The following MED13L variants were observed in gnomAD, a reference collection of about 807,000 sequenced individuals.
The protein encoded by MED13L is mediator of RNA polymerase II transcription subunit 13-like.
MED13L carries 7 observed loss-of-function variants against 220.9 expected under a neutral mutation model. The observed-to-expected ratio is 0.03, with a 90% CI of 0.02 to 0.06. The LOEUF (loss-of-function observed/expected upper bound fraction) is 0.06, where lower values mean the gene tolerates loss of function less well. MED13L is among the 10% of genes least tolerant of loss of function. The pLI, the probability that MED13L is intolerant of heterozygous loss-of-function variation, is 1.00. For synonymous variants in MED13L, 1,011 were observed against 1,015.2 expected (o/e 1.00, Z 0.08); for missense variants, 1,965 against 2,760.5 (o/e 0.71, Z 6.46).
intron 22 of MED13L, 52 bp from the exon 23 acceptor site, chr12:115,980,990 G>T: frequency 6.7e-7 from 1 of 1,489,952 alleles, no homozygotes. Flanking sequence ...TAGAAACTGA[G>T]ATCTAACACA....
At position 116,013,215 on chromosome 12, in the gene MED13L, C is replaced by T. The variant is rs141567334; in HGVS notation, c.1176-314G>A. ...TGGCAAAACCCCATATATACAAATACAAAAATTAGCCGGGCATGGTGGCGC... is the reference window on the plus strand; with the variant it reads ...TGGCAAAACCCCATATATACAAATATAAAAATTAGCCGGGCATGGTGGCGC... On this transcript the variant is annotated intron_variant, in intron 8 of 30. Transcript: ENST00000281928. 7.8e-4 allele frequency among the ~76,000 whole-genome samples: 118 copies of T among 152,200 alleles called. 1 individual carries two copies. Among genetic ancestry groups the T allele is most frequent in the African/African-American group, 2.6e-3 (110 of 41,550 alleles).
chr12:116,142,299 G>A (rs991955807), intron 2 of MED13L, among the ~76,000 whole-genome samples: 16 of 152,140 alleles, frequency 1.1e-4, no homozygotes, highest in Non-Finnish European at 4.4e-5. Context: ...AACAGTGCCT[G>A]GTAAATAGTA....
intron 4 of MED13L, among the ~76,000 whole-genome samples, chr12:116,025,512 A>G (rs1880335490): frequency 6.6e-6 from 1 of 152,228 alleles, no homozygotes; most frequent in African/African-American, 2.4e-5. Flanking sequence ...AATGAAGAAA[A>G]TGTGGTATAT....
intron 4 of MED13L, among the ~76,000 whole-genome samples, chr12:116,045,717 C>A (rs542689436): frequency 6.6e-6 from 1 of 151,986 alleles, no homozygotes; most frequent in Non-Finnish European, 1.5e-5. Context: ...GATTACCAAA[C>A]GGGATCCAGT....
At position 115,983,182 on chromosome 12, in the gene MED13L, T is replaced by A; in HGVS notation, c.4890A>T (p.Ile1630=). The change falls in exon 21 of 31, where the codon ATA becomes ATT. Residue 1630 remains isoleucine, a synonymous_variant. Coordinates refer to ENST00000281928, the MANE Select transcript of MED13L (RefSeq NM_015335.5). The part of the protein sequence containing the change: ...GISADRTQGN[I]GCGGDTDPGQ... The stretch of plus-strand genomic sequence containing the variant: ...CAGGGTCAGTGTCTCCACCACAGCC[T>A]ATGTTCCCTTGCGTTCTATCCGCAG... 2 of 1,614,186 alleles carry A rather than the reference T, an allele frequency of 1.2e-6. No individual in the cohort carries two copies. Among genetic ancestry groups the A allele is most frequent in the Non-Finnish European group, 1.7e-6 (2 of 1,180,022 alleles).
intron 2 of MED13L, among the ~76,000 whole-genome samples, chr12:116,156,563 C>T (rs1878458857): frequency 6.6e-6 from 1 of 152,082 alleles, no homozygotes; most frequent in South Asian, 2.1e-4. Flanking sequence ...CTCCTCCTTA[C>T]CACAAGTATC....
chr12:116,231,768 G>T lies in MED13L; in HGVS notation c.310+5700C>A, dbSNP rs566181014. Among the ~76,000 whole-genome samples, 3 of 152,238 alleles carry T rather than the reference G, an allele frequency of 2.0e-5. No individual in the cohort carries two copies. In the South Asian group the frequency reaches 6.2e-4, roughly 32 times the overall value. On this transcript the variant is annotated intron_variant, in intron 2 of 30. Coordinates refer to ENST00000281928, the MANE Select transcript of MED13L (RefSeq NM_015335.5). The stretch of plus-strand genomic sequence containing the variant: ...AATGCTGAAGTATTTAGGGGCAAAG[G>T]TCCGTGAAGTCTGAAAATTGCCTCA...
intron 4 of MED13L, among the ~76,000 whole-genome samples, chr12:116,049,929 A>T (rs1451367722): frequency 1.3e-5 from 2 of 152,242 alleles, no homozygotes; most frequent in Non-Finnish European, 2.9e-5. Context: ...ACTTATTTTA[A>T]GAAATGAGAG....
At chr12:116,122,451 C>G (rs1358354544) in intron 2 of MED13L, among the ~76,000 whole-genome samples, 1 of 152,118 alleles carries the variant, frequency 6.6e-6, no homozygotes, top group African/African-American at 2.4e-5. Context: ...TTACTTATAT[C>G]AACTTCAACC....
intron 20 of MED13L, 59 bp from the exon 21 acceptor site, chr12:115,983,599 C>A: frequency 6.4e-7 from 1 of 1,570,346 alleles, no homozygotes; most frequent in South Asian, 1.1e-5. Flanking sequence ...CGGACTGAAC[C>A]AGAATCTAGA....
In MED13L at chr12:116,277,516, TCGGAGCCGCCGCCGCCG is replaced by T. The variant is rs1387159158; in HGVS notation, c.-402_-386del. Among the ~76,000 whole-genome samples the T allele has an allele frequency of 6.8e-6, 1 of 146,206 alleles. No individual in the cohort carries two copies. The highest frequency in any genetic ancestry group is 1.5e-5 in the Non-Finnish European group (1 of 66,028). ...GAGCCCCGGAGCCGCCGCCGCCGCC[TCGGAGCCGCCGCCGCCG>T]CGGAGCGCGAACTCGCGAAGGGGGG... is the stretch of plus-strand genomic sequence containing the variant. On this transcript the variant is annotated 5_prime_UTR_variant, in exon 1 of 31. Coordinates refer to ENST00000281928, the MANE Select transcript of MED13L (RefSeq NM_015335.5).
chr12:116,019,658 A>C, intron 6 of MED13L, 120 bp downstream of exon 6: 1 of 1,272,184 alleles, frequency 7.9e-7, no homozygotes, highest in Non-Finnish European at 1.1e-6. Flanking sequence ...CATTGTGTCA[A>C]GAGAATTTCT....
At chr12:116,174,682 C>G (rs1389947422) in intron 2 of MED13L, 1 of 152,200 alleles carries the variant, frequency 6.6e-6, no homozygotes, top group Non-Finnish European at 1.5e-5. Context: ...CAACACCTAT[C>G]TGAACAGATT....
Position 116,007,651 on chromosome 12 carries a change from A to C in MED13L, c.2013-15T>G, listed in dbSNP as rs1382090097. The C allele has an allele frequency of 6.4e-7, 1 of 1,566,246 alleles. No homozygotes were observed. The highest frequency in any genetic ancestry group is 1.4e-5 in the African/African-American group (1 of 72,554). ...GTGCTAAGAGTCTAAAAGACAAAAA[A>C]AAAAAAAAAAAAAAGAGCATTTATG... On this transcript the variant is annotated splice_polypyrimidine_tract_variant and intron_variant, in intron 10 of 30. Transcript: ENST00000281928.
At chr12:116,188,034 GGATTT>G (rs1390137159) in intron 2 of MED13L, among the ~76,000 whole-genome samples, 3 of 151,852 alleles carry the variant, frequency 2.0e-5, no homozygotes, top group Non-Finnish European at 4.4e-5. Context: ...CTCATTCATT[GGATTT>G]ATTTGTGGTT....
Position 116,019,349 on chromosome 12 carries a change from G to C in MED13L, c.884C>G (p.Pro295Arg). 1 of 1,614,018 alleles carries C rather than the reference G, an allele frequency of 6.2e-7. No homozygotes were observed. Among genetic ancestry groups the C allele is most frequent in the East Asian group, 2.2e-5 (1 of 44,876 alleles). ...GCCTCCAGCACTGGCAACACTCTGAGGAACCGGGATGTCATTCTGAGAGAT... is the reference window on the plus strand; with the variant it reads ...GCCTCCAGCACTGGCAACACTCTGACGAACCGGGATGTCATTCTGAGAGAT... ...VLISQNDIPV[P>R]QSVASAGGHI... is the part of the protein sequence containing the mutation. The change falls in exon 7 of 31, where the codon CCT (proline) becomes CGT (arginine). Residue 295 changes from proline (P) to arginine (R), a missense_variant. By Grantham distance (103) the Pro-to-Arg change is moderately radical. Transcript: ENST00000281928.
chr12:116,246,813 G>GGGGAAGGGAGCGAGGTGTGGA (rs1871134375), intron 1 of MED13L, among the ~76,000 whole-genome samples: 1 of 81,544 alleles, frequency 1.2e-5, no homozygotes, highest in African/African-American at 5.0e-5. Context: ...GAGGTGGGGA[G>GGGGAAGGGAGCGAGGTGTGGA]GGGAAGGGAG....
intron 2 of MED13L, among the ~76,000 whole-genome samples, chr12:116,214,235 T>C (rs984986220): frequency 3.3e-5 from 5 of 152,184 alleles, no homozygotes; most frequent in African/African-American, 1.2e-4. Flanking sequence ...CATCGACAAC[T>C]TGGGTTTAAC....
chr12:116,096,090 G>A (rs563956738), intron 4 of MED13L, among the ~76,000 whole-genome samples: 2 of 151,778 alleles, frequency 1.3e-5, no homozygotes, highest in Middle Eastern at 3.2e-3. Context: ...GCAATGGCTC[G>A]CACCTATAAT....
Sources: allele counts gnomAD v4.1 joint callset (sites outside exome capture counted in the v4.1 genomes callset), GRCh38; gene constraint gnomAD v4.1.1; transcripts MANE v1.5; gene names NCBI Gene and HGNC (gene_info 2026-07-23, HGNC 2026-07-21).